KCNIP2: variants seen among roughly 807,000 people sequenced by gnomAD.
KCNIP2 encodes potassium voltage-gated channel interacting protein 2, also known as A-type potassium channel modulatory protein KCNIP2.
KCNIP2 carries 19 observed loss-of-function variants against 39.0 expected under a neutral mutation model. The ratio of observed to expected loss-of-function variants is 0.49; its 90% CI spans 0.34 to 0.71. The LOEUF is 0.71. KCNIP2 is among the 30% of genes least tolerant of loss of function. The pLI is 0.01. For synonymous variants in KCNIP2, 111 were observed against 131.2 expected (o/e 0.85, Z 1.05); for missense variants, 261 against 346.0 (o/e 0.75, Z 1.95).
chr10:101,828,905 A>C lies in KCNIP2; in HGVS notation c.348+170T>G, dbSNP rs1589856771. The C allele has an allele frequency of 6.6e-7, 1 of 1,523,048 alleles. No individual in the cohort carries two copies. Among genetic ancestry groups the C allele is most frequent in the South Asian group, 1.2e-5 (1 of 81,822 alleles). The allele number at this position is 1,523,048 out of a possible 1,614,324, so 94.3% of individuals were successfully genotyped here. A position where few individuals can be genotyped will look rare whatever the true frequency, so the allele number is the denominator to read the frequency against. ...ACGAAACTGACAGTCTACAGGCGCC[A>C]CTTCCGTTCTGGCCCCGCCCCAGAA... On this transcript the variant is annotated intron_variant, in intron 4 of 9. Coordinates refer to ENST00000356640, the MANE Select transcript of KCNIP2 (RefSeq NM_173191.3). The surrounding 1 kb of genome is among the most constrained non-coding windows in gnomAD (Gnocchi z 6.6).
intron 1 of KCNIP2, among the ~76,000 whole-genome samples, chr10:101,833,952 C>A (rs1226337967): frequency 6.6e-6 from 1 of 152,016 alleles, no homozygotes; most frequent in Non-Finnish European, 1.5e-5. Flanking sequence ...CCAGACCCCT[C>A]CTGGTATCGC....
intron 1 of KCNIP2, among the ~76,000 whole-genome samples, chr10:101,837,437 G>A (rs909619988): frequency 4.6e-5 from 7 of 152,156 alleles, no homozygotes; most frequent in African/African-American, 9.7e-5. Context: ...TTGGGAGGCC[G>A]AGGCGGGTGG....
At position 101,831,132 on chromosome 10, in the gene KCNIP2, G is replaced by A. The variant is rs1345972709; in HGVS notation, c.109C>T (p.Gln37Ter). Residue 37 changes from glutamine to a stop codon, truncating the protein, a stop_gained, in exon 2 of 10, where the codon CAG becomes TAG. Transcript: ENST00000356640. LOFTEE classifies it high-confidence loss of function. ...CACGGCAGCAGCTTGAGGAATCGCTGCTTCAGCGCTTTTTTAGTGGGCCCT... is the reference window on the plus strand; with the variant it reads ...CACGGCAGCAGCTTGAGGAATCGCTACTTCAGCGCTTTTTTAGTGGGCCCT... The part of the protein sequence containing the change: ...PPGPTKKALK[Q>*]RFLKLLPCCG... The A allele has an allele frequency of 6.2e-7, 1 of 1,611,900 alleles. No homozygotes were observed. Among genetic ancestry groups the A allele is most frequent in the African/African-American group, 1.3e-5 (1 of 74,924 alleles).
intron 1 of KCNIP2, among the ~76,000 whole-genome samples, chr10:101,831,815 G>C (rs546183280): frequency 1.3e-5 from 2 of 152,290 alleles, no homozygotes; most frequent in East Asian, 3.8e-4. Context: ...TGACATGTGA[G>C]TCTACAAAGA....
intron 3 of KCNIP2, 123 bp downstream of exon 3, chr10:101,829,718 ACCC>A: frequency 9.0e-6 from 1 of 111,666 alleles, no homozygotes; most frequent in Non-Finnish European, 1.8e-5. Context: ...CTCCATCCAG[ACCC>A]CACCCCCGGC....
chr10:101,830,555 G>T, intron 2 of KCNIP2: 1 of 909,770 alleles, frequency 1.1e-6, no homozygotes, highest in Non-Finnish European at 1.5e-6. Flanking sequence ...TGCGGGAGCG[G>T]TGACACACAC....
rs762280651 is a variant in KCNIP2 at position 101,827,882 on chromosome 10, CA to C, written c.702+6del. ...CAGGGCCCTCCAGCCTACCCACTCC[CA>C]AGTACCTGGAAGAAGCTCTCCACGT... On this transcript the variant is annotated splice_donor_region_variant and intron_variant, in intron 8 of 9. Transcript: ENST00000356640. 8.1e-6 allele frequency: 13 copies of C among 1,610,154 alleles called. No homozygotes were observed. In the Admixed American group the frequency reaches 2.2e-4, roughly 27 times the overall value.
rs774290961 is a variant in KCNIP2 at position 101,830,525 on chromosome 10, ACT to A, written c.169+545_169+546del. 23 of 1,125,840 alleles carry A rather than the reference ACT, an allele frequency of 2.0e-5. 1 individual carries two copies. The East Asian group carries it at 4.7e-4, about 23-fold the overall frequency. The allele number at this position is 1,125,840 out of a possible 1,614,324, so 69.7% of individuals were successfully genotyped here. ...GCCTGGTCACAATGGTCACACCCAC[ACT>A]CTCGGGTCCCACAGTTTTGCGGGAG... On this transcript the variant is annotated intron_variant, in intron 2 of 9. Transcript: ENST00000356640.
chr10:101,828,606 C>A lies in KCNIP2; in HGVS notation c.418+21G>T. ...AGCCTAGAGAAGGACAACTGCTTCC[C>A]CTTGGGCCTTGTCCCCTCACCTCCT... On this transcript the variant is annotated intron_variant, in intron 5 of 9. Coordinates refer to ENST00000356640, the MANE Select transcript of KCNIP2 (RefSeq NM_173191.3). The surrounding 1 kb of genome is among the most constrained non-coding windows in gnomAD (Gnocchi z 6.6). The A allele has an allele frequency of 1.2e-6, 2 of 1,611,824 alleles. No homozygotes were observed. Among genetic ancestry groups the A allele is most frequent in the South Asian group, 2.2e-5 (2 of 91,000 alleles).
At chr10:101,837,761 C>G (rs377535892) in intron 1 of KCNIP2, among the ~76,000 whole-genome samples, 1 of 152,102 alleles carries the variant, frequency 6.6e-6, no homozygotes, top group Non-Finnish European at 1.5e-5. Context: ...TGCGGGGTGT[C>G]AAGGAATCCT....
intron 1 of KCNIP2, chr10:101,839,751 A>T: frequency 6.2e-7 from 1 of 1,611,874 alleles, no homozygotes; most frequent in Non-Finnish European, 8.5e-7. Flanking sequence ...TCCTCATCAT[A>T]CCTGGGGACA....
In KCNIP2 at chr10:101,830,384, G is replaced by A. The variant is rs749770810; in HGVS notation, c.170-487C>T. ...ACACACATCAGGGGTCCAAAACACG[G>A]TGGGGAAGGGGGCGGCCGCACGGAG... On this transcript the variant is annotated intron_variant, in intron 2 of 9. Coordinates refer to ENST00000356640, the MANE Select transcript of KCNIP2 (RefSeq NM_173191.3). 1.3e-4 allele frequency: 164 copies of A among 1,283,168 alleles called. 1 individual carries two copies. The highest frequency in any genetic ancestry group is 1.5e-4 in the Non-Finnish European group (148 of 979,316). The allele number at this position is 1,283,168 out of a possible 1,614,324, so 79.5% of individuals were successfully genotyped here.
intron 1 of KCNIP2, among the ~76,000 whole-genome samples, chr10:101,831,915 T>C (rs2066004606): frequency 6.6e-6 from 1 of 152,188 alleles, no homozygotes; most frequent in African/African-American, 2.4e-5. Flanking sequence ...TGGGTCCCCA[T>C]GGCACCCAGA....
intron 1 of KCNIP2, among the ~76,000 whole-genome samples, chr10:101,834,520 C>A (rs1377042154): frequency 6.6e-6 from 1 of 152,194 alleles, no homozygotes; most frequent in Admixed American, 6.5e-5. Flanking sequence ...TCCTCTCCCC[C>A]ATCACCCCGC....
At chr10:101,827,795 G>A (rs2305189) in intron 8 of KCNIP2, 44 bp from the exon 9 acceptor site, 300,700 of 1,550,638 alleles carry the variant, frequency 0.19, 33,315 homozygotes, top group East Asian at 0.56. Flanking sequence ...GGGATGGCAA[G>A]AGAGAGGCAG....
At chr10:101,832,764 C>T (rs1295460949) in intron 1 of KCNIP2, among the ~76,000 whole-genome samples, 2 of 152,182 alleles carry the variant, frequency 1.3e-5, no homozygotes, top group Non-Finnish European at 2.9e-5. Context: ...TCCTGCCCCC[C>T]ACCCCAGCCC....
Position 101,831,053 on chromosome 10 carries a change from G to T in KCNIP2, c.169+19C>A. On this transcript the variant is annotated intron_variant, in intron 2 of 9. Coordinates refer to ENST00000356640, the MANE Select transcript of KCNIP2 (RefSeq NM_173191.3). ...CACACATCGAGCCCCGCCCCCGGAA[G>T]CACATGAGAGGCACTTGCTTTCACT... The T allele has an allele frequency of 6.2e-7, 1 of 1,607,176 alleles. No individual in the cohort carries two copies. Among genetic ancestry groups the T allele is most frequent in the Non-Finnish European group, 8.5e-7 (1 of 1,174,980 alleles).
chr10:101,840,766 G>A (rs1037577281), intron 1 of KCNIP2, among the ~76,000 whole-genome samples: 3 of 152,124 alleles, frequency 2.0e-5, no homozygotes, highest in Non-Finnish European at 1.5e-5. Flanking sequence ...TCCTAACTCT[G>A]GGCAAATCTT....
At chr10:101,829,540 C>T (rs2135142027) in intron 3 of KCNIP2, 2 of 478,008 alleles carry the variant, frequency 4.2e-6, no homozygotes, top group Non-Finnish European at 3.7e-6. Flanking sequence ...CAAGAGGGGG[C>T]GTCTGAGGGT....
Sources: allele counts gnomAD v4.1 joint callset (sites outside exome capture counted in the v4.1 genomes callset), GRCh38; gene constraint gnomAD v4.1.1; non-coding constraint Gnocchi (gnomAD v3.1); transcripts MANE v1.5; gene names NCBI Gene and HGNC (gene_info 2026-07-23, HGNC 2026-07-21).